Variants in TMEM150A observed in about 807,000 individuals in gnomAD.
TMEM150A encodes fasting-inducible integral membrane protein TM6P1.
In TMEM150A, 18 loss-of-function variants were observed where a neutral mutation model predicts 29.8. That is an observed-to-expected ratio of 0.60 (90% CI 0.42 to 0.90). The LOEUF is 0.90. Ranked by LOEUF, TMEM150A falls within the 40% of genes least tolerant of loss-of-function variation. The pLI is 0.00. For synonymous variants in TMEM150A, 127 were observed against 143.6 expected (o/e 0.88, Z 0.83); for missense variants, 251 against 349.7 (o/e 0.72, Z 2.25).
Position 85,602,009 on chromosome 2 carries a change from T to C in TMEM150A, c.-61A>G. 1 of 1,449,752 alleles carries C rather than the reference T, an allele frequency of 6.9e-7. No individual in the cohort carries two copies. The highest frequency in any genetic ancestry group is 9.7e-7 in the Non-Finnish European group (1 of 1,032,940). 89.8% of individuals were successfully genotyped at this position (1,449,752 alleles called of 1,614,324 possible). A position where few individuals can be genotyped will look rare whatever the true frequency, so the allele number is the denominator to read the frequency against. On this transcript the variant is annotated 5_prime_UTR_variant, in exon 2 of 8. Coordinates refer to ENST00000334462, the MANE Select transcript of TMEM150A (RefSeq NM_001031738.3). The surrounding 1 kb of genome is among the most constrained non-coding windows in gnomAD (Gnocchi z 5.6). ...GGAGGACAAGAGGTAGATGGGGAAG[T>C]GGGGGCGGACCAGCTACCTTGAGAT... is the stretch of plus-strand genomic sequence containing the variant.
chr2:85,601,875 T>G lies in TMEM150A; in HGVS notation c.65+9A>C. 3.1e-6 allele frequency: 5 copies of G among 1,613,646 alleles called. No individual in the cohort carries two copies. Among genetic ancestry groups the G allele is most frequent in the Non-Finnish European group, 4.2e-6 (5 of 1,179,704 alleles). On this transcript the variant is annotated intron_variant, in intron 2 of 7. Coordinates refer to ENST00000334462, the MANE Select transcript of TMEM150A (RefSeq NM_001031738.3). This position sits in a 1 kb window ranked among gnomAD's most constrained non-coding sequence, Gnocchi z 4.0. ...TCCTGTTGCCCCCCGGGCACCCCCCTTTACTCACACAGTCCATATGCCAGT... is the reference window on the plus strand; with the variant it reads ...TCCTGTTGCCCCCCGGGCACCCCCCGTTACTCACACAGTCCATATGCCAGT...
rs1673009098 is a variant in TMEM150A, at chr2:85,602,169, C to CA, written c.-116-106dup. 3.9e-6 allele frequency: 2 copies of CA among 516,216 alleles called. No homozygotes were observed. The highest frequency in any genetic ancestry group is 3.5e-6 in the Non-Finnish European group (1 of 282,032). The allele number at this position is 516,216 out of a possible 1,614,324, so 32.0% of individuals were successfully genotyped here. On this transcript the variant is annotated intron_variant, in intron 1 of 7. Transcript: ENST00000334462. The surrounding 1 kb of genome is among the most constrained non-coding windows in gnomAD (Gnocchi z 5.6). ...CGCTCCCGTTGGGTCTCTGAGCGTC[C>CA]AAAGTTTGGGCTGAGCCCACGGCAG...
Position 85,599,572 on chromosome 2 carries a change from T to C in TMEM150A, c.527A>G (p.Tyr176Cys), listed in dbSNP as rs1672810880. 1 of 1,613,888 alleles carries C rather than the reference T, an allele frequency of 6.2e-7. No homozygotes were observed. Among genetic ancestry groups the C allele is most frequent in the Non-Finnish European group, 8.5e-7 (1 of 1,179,992 alleles). The change falls in exon 7 of 8, where the codon TAT becomes TGT. Residue 176 changes from tyrosine to cysteine, a missense_variant. By Grantham distance (194) the Tyr-to-Cys change is radical. Coordinates refer to ENST00000334462, the MANE Select transcript of TMEM150A (RefSeq NM_001031738.3). This position sits in a 1 kb window ranked among gnomAD's most constrained non-coding sequence, Gnocchi z 6.0. ...ATAPLDLAVA[Y>C]LRSVLAVIAF... ...GATGACAGCCAGCACACTTCGCAGA[T>C]AGGCCACAGCCAGGTCCAGCGGGGC...
In TMEM150A at chr2:85,602,010, G is replaced by A. The variant is rs935434962; in HGVS notation, c.-62C>T. 2.6e-5 allele frequency: 38 copies of A among 1,439,120 alleles called. No individual in the cohort carries two copies. In the African/African-American group the frequency reaches 4.7e-4, roughly 18 times the overall value. The allele number at this position is 1,439,120 out of a possible 1,614,324, so 89.1% of individuals were successfully genotyped here. On this transcript the variant is annotated 5_prime_UTR_variant, in exon 2 of 8. Coordinates refer to ENST00000334462, the MANE Select transcript of TMEM150A (RefSeq NM_001031738.3). This position sits in a 1 kb window ranked among gnomAD's most constrained non-coding sequence, Gnocchi z 5.6. ...GAGGACAAGAGGTAGATGGGGAAGT[G>A]GGGGCGGACCAGCTACCTTGAGATG...
At position 85,601,519 on chromosome 2, in the gene TMEM150A, G is replaced by A. The variant is rs1229427800; in HGVS notation, c.66-37C>T. The A allele has an allele frequency of 3.7e-6, 6 of 1,603,488 alleles. No homozygotes were observed. Among genetic ancestry groups the A allele is most frequent in the East Asian group, 2.2e-5 (1 of 44,744 alleles). On this transcript the variant is annotated intron_variant, in intron 2 of 7. Coordinates refer to ENST00000334462, the MANE Select transcript of TMEM150A (RefSeq NM_001031738.3). The surrounding 1 kb of genome is among the most constrained non-coding windows in gnomAD (Gnocchi z 4.0). ...GAACTGTCACCCTGGCAGCCTTCCC[G>A]AGCCCCACTCAACCCACCCCATGAC...
rs543187671 is a variant in TMEM150A at position 85,600,269 on chromosome 2, G to A, written c.268+76C>T. 1.4e-4 allele frequency: 219 copies of A among 1,557,886 alleles called. No homozygotes were observed. The African/African-American group carries it at 2.5e-3, about 18-fold the overall frequency. ...AGCCCTTGGTGGGGAGGGCTGCACA[G>A]AAGGGCTTCCTGGGCCTTTCTGTGT... On this transcript the variant is annotated intron_variant, in intron 5 of 7. Transcript: ENST00000334462.
At position 85,598,913 on chromosome 2, in the gene TMEM150A, T is replaced by C; in HGVS notation, c.*163A>G. 3 of 1,054,624 alleles carry C rather than the reference T, an allele frequency of 2.8e-6. No homozygotes were observed. Among genetic ancestry groups the C allele is most frequent in the South Asian group, 3.3e-5 (2 of 59,792 alleles). The allele number at this position is 1,054,624 out of a possible 1,614,324, so 65.3% of individuals were successfully genotyped here. Reference sequence around the variant, plus strand: ...AGCTGTGGCAGCTGGCAGGGCCCACTCCTCCATGGCACAGGTGGGCATGGG... The same window carrying C: ...AGCTGTGGCAGCTGGCAGGGCCCACCCCTCCATGGCACAGGTGGGCATGGG... On this transcript the variant is annotated 3_prime_UTR_variant, in exon 8 of 8. Coordinates refer to ENST00000334462, the MANE Select transcript of TMEM150A (RefSeq NM_001031738.3).
In TMEM150A at chr2:85,601,906, A is replaced by G; in HGVS notation, c.43T>C (p.Ser15Pro). The change falls in exon 2 of 8, where the codon TCC (serine) becomes CCC (proline). Residue 15 changes from serine to proline, a missense_variant. Transcript: ENST00000334462. The surrounding 1 kb of genome is among the most constrained non-coding windows in gnomAD (Gnocchi z 4.0). The stretch of plus-strand genomic sequence containing the variant: ...CACACAGTCCATATGCCAGTGATGG[A>G]GAACGCTGACAGGCTGACAGGCAGG... ...ILLPVSLSAF[S>P]ITGIWTVYAM... is the part of the protein sequence containing the mutation. The G allele has an allele frequency of 6.2e-7, 1 of 1,614,044 alleles. No individual in the cohort carries two copies. The highest frequency in any genetic ancestry group is 8.5e-7 in the Non-Finnish European group (1 of 1,179,950).
chr2:85,600,720 C>T (rs1258753376), intron 4 of TMEM150A: 1 of 550,072 alleles, frequency 1.8e-6, no homozygotes, highest in Non-Finnish European at 3.2e-6. Flanking sequence ...CTGAGGGCTC[C>T]AGCTTAAATC....
At chr2:85,600,568 G>A in intron 4 of TMEM150A, 156 bp from the exon 5 acceptor site, 2 of 639,296 alleles carry the variant, frequency 3.1e-6, no homozygotes, top group Non-Finnish European at 5.7e-6. Flanking sequence ...TGAACAACTG[G>A]TTCCAGGCTG....
In TMEM150A at chr2:85,601,320, C is replaced by G; in HGVS notation, c.113+115G>C. 1 of 1,391,938 alleles carries G rather than the reference C, an allele frequency of 7.2e-7. No homozygotes were observed. Among genetic ancestry groups the G allele is most frequent in the Non-Finnish European group, 1.0e-6 (1 of 978,506 alleles). 86.2% of individuals were successfully genotyped at this position (1,391,938 alleles called of 1,614,324 possible). Reference sequence around the variant, plus strand: ...AGAAGCCATGCCTGGGGACCAATTTCAGAGAAGAGCAGTGAGGCTCAGGGT... The same window carrying G: ...AGAAGCCATGCCTGGGGACCAATTTGAGAGAAGAGCAGTGAGGCTCAGGGT... On this transcript the variant is annotated intron_variant, in intron 3 of 7. Transcript: ENST00000334462. The surrounding 1 kb of genome is among the most constrained non-coding windows in gnomAD (Gnocchi z 4.0).
At position 85,602,179 on chromosome 2, in the gene TMEM150A, G is replaced by A; in HGVS notation, c.-116-115C>T. On this transcript the variant is annotated intron_variant, in intron 1 of 7. Coordinates refer to ENST00000334462, the MANE Select transcript of TMEM150A (RefSeq NM_001031738.3). The surrounding 1 kb of genome is among the most constrained non-coding windows in gnomAD (Gnocchi z 5.6). ...GGGTCTCTGAGCGTCCAAAGTTTGG[G>A]CTGAGCCCACGGCAGAACGTGAACA... 2 of 507,552 alleles carry A rather than the reference G, an allele frequency of 3.9e-6. No individual in the cohort carries two copies. Among genetic ancestry groups the A allele is most frequent in the Non-Finnish European group, 3.6e-6 (1 of 276,716 alleles). The allele number at this position is 507,552 out of a possible 1,614,324, so 31.4% of individuals were successfully genotyped here. A position where few individuals can be genotyped will look rare whatever the true frequency, so the allele number is the denominator to read the frequency against.
At position 85,601,420 on chromosome 2, in the gene TMEM150A, C is replaced by T. The variant is rs1197571241; in HGVS notation, c.113+15G>A. The T allele has an allele frequency of 6.2e-7, 1 of 1,613,792 alleles. No homozygotes were observed. Among genetic ancestry groups the T allele is most frequent in the East Asian group, 2.2e-5 (1 of 44,888 alleles). ...GGAAGCTTTAGAGCAAGGTTGTCTG[C>T]AGAGTCCTTCATACCAGTTCTCCAC... On this transcript the variant is annotated intron_variant, in intron 3 of 7. Transcript: ENST00000334462. The surrounding 1 kb of genome is among the most constrained non-coding windows in gnomAD (Gnocchi z 4.0).
chr2:85,601,292 G>A lies in TMEM150A; in HGVS notation c.113+143C>T, dbSNP rs1212720100. On this transcript the variant is annotated intron_variant, in intron 3 of 7. Transcript: ENST00000334462. The surrounding 1 kb of genome is among the most constrained non-coding windows in gnomAD (Gnocchi z 4.0). ...AGGGATAGTGGGAAGTGGGTAGGTG[G>A]CAAGAAGCCATGCCTGGGGACCAAT... 2 of 1,232,544 alleles carry A rather than the reference G, an allele frequency of 1.6e-6. No individual in the cohort carries two copies. The highest frequency in any genetic ancestry group is 1.5e-5 in the African/African-American group (1 of 67,408). The allele number at this position is 1,232,544 out of a possible 1,614,324, so 76.4% of individuals were successfully genotyped here. A position where few individuals can be genotyped will look rare whatever the true frequency, so the allele number is the denominator to read the frequency against.
At position 85,599,785 on chromosome 2, in the gene TMEM150A, C is replaced by T; in HGVS notation, c.397-83G>A. The T allele has an allele frequency of 1.9e-6, 3 of 1,598,750 alleles. No individual in the cohort carries two copies. Among genetic ancestry groups the T allele is most frequent in the Non-Finnish European group, 2.6e-6 (3 of 1,171,534 alleles). ...CCTTCAATGAATCTCCTCTCTCCCT[C>T]TTCCTTCCTCTCCCTCTTTCCAGCC... is the stretch of plus-strand genomic sequence containing the variant. On this transcript the variant is annotated intron_variant, in intron 6 of 7. Coordinates refer to ENST00000334462, the MANE Select transcript of TMEM150A (RefSeq NM_001031738.3). The surrounding 1 kb of genome is among the most constrained non-coding windows in gnomAD (Gnocchi z 6.0).
rs1450594204 is a variant in TMEM150A, at chr2:85,600,298, G to T, written c.268+47C>A. The T allele has an allele frequency of 3.7e-6, 6 of 1,602,678 alleles. No individual in the cohort carries two copies. In the African/African-American group the frequency reaches 6.7e-5, roughly 18 times the overall value. ...GGCTTCCTGGGCCTTTCTGTGTGGGGATCACTGGGCTGGGCACGCAGGGTC... is the reference window on the plus strand; with the variant it reads ...GGCTTCCTGGGCCTTTCTGTGTGGGTATCACTGGGCTGGGCACGCAGGGTC... On this transcript the variant is annotated intron_variant, in intron 5 of 7. Coordinates refer to ENST00000334462, the MANE Select transcript of TMEM150A (RefSeq NM_001031738.3).
chr2:85,601,427 C>G lies in TMEM150A; in HGVS notation c.113+8G>C, dbSNP rs778844371. 1.1e-5 allele frequency: 18 copies of G among 1,613,688 alleles called. No individual in the cohort carries two copies. The South Asian group carries it at 2.0e-4, about 18-fold the overall frequency. On this transcript the variant is annotated splice_region_variant and intron_variant, in intron 3 of 7. Coordinates refer to ENST00000334462, the MANE Select transcript of TMEM150A (RefSeq NM_001031738.3). This position sits in a 1 kb window ranked among gnomAD's most constrained non-coding sequence, Gnocchi z 4.0. Reference sequence around the variant, plus strand: ...TTAGAGCAAGGTTGTCTGCAGAGTCCTTCATACCAGTTCTCCACAGGGCAT... The same window carrying G: ...TTAGAGCAAGGTTGTCTGCAGAGTCGTTCATACCAGTTCTCCACAGGGCAT...
rs1412011557 is a variant in TMEM150A, at chr2:85,602,020, C to T, written c.-72G>A. On this transcript the variant is annotated 5_prime_UTR_variant, in exon 2 of 8. It introduces an in-frame stop codon into an upstream open reading frame of the 5' UTR. Transcript: ENST00000334462. This position sits in a 1 kb window ranked among gnomAD's most constrained non-coding sequence, Gnocchi z 5.6. ...GGTAGATGGGGAAGTGGGGGCGGAC[C>T]AGCTACCTTGAGATGTTTCTGCCAC... The T allele has an allele frequency of 6.7e-6, 9 of 1,345,772 alleles. No individual in the cohort carries two copies. In the African/African-American group the frequency reaches 1.3e-4, roughly 19 times the overall value. The allele number at this position is 1,345,772 out of a possible 1,614,324, so 83.4% of individuals were successfully genotyped here.
chr2:85,601,815 T>C lies in TMEM150A; in HGVS notation c.65+69A>G. 1 of 1,570,004 alleles carries C rather than the reference T, an allele frequency of 6.4e-7. No individual in the cohort carries two copies. Among genetic ancestry groups the C allele is most frequent in the Non-Finnish European group, 8.7e-7 (1 of 1,143,166 alleles). The stretch of plus-strand genomic sequence containing the variant: ...GTGACCCTGGGTACCACCGTGGCTA[T>C]GACAGGACAAGAGACTTTGTGTGCG... On this transcript the variant is annotated intron_variant, in intron 2 of 7. Transcript: ENST00000334462. This position sits in a 1 kb window ranked among gnomAD's most constrained non-coding sequence, Gnocchi z 4.0.
Sources: gnomAD v4.1 joint callset for allele counts on GRCh38, gnomAD v4.1.1 for gene constraint, Gnocchi (gnomAD v3.1) non-coding constraint, MANE v1.5 for transcripts, NCBI Gene and HGNC (gene_info 2026-07-23, HGNC 2026-07-21) for gene names.